Variants in GNB5 observed in about 807,000 individuals in gnomAD.
The protein encoded by GNB5 is G protein subunit beta 5.
GNB5 carries 37 observed loss-of-function variants against 55.3 expected under a neutral mutation model. That is an observed-to-expected ratio of 0.67 (90% CI 0.51 to 0.88). GNB5 has a LOEUF of 0.88. Ranked by LOEUF, GNB5 falls within the 40% of genes least tolerant of loss-of-function variation. The probability of loss-of-function intolerance (pLI) is 0.00; values close to 1 mark genes in which losing one functional copy is unlikely to be tolerated. For missense variants in GNB5, 476 were observed against 515.3 expected (o/e 0.92, Z 0.74); for synonymous variants, 219 against 198.5 (o/e 1.10, Z -0.87).
chr15:52,126,030 G>A lies in GNB5; in HGVS notation c.927C>T (p.Asp309=), dbSNP rs765113499. ...TGGCAACCTCCCTATCTGCCCGCAG[G>A]TCATAGAGGCGACACTGGGGAGCAA... ...GSDDATCRLY[D]LRADREVAIY... Residue 309 remains aspartate (D), a synonymous_variant, in exon 11 of 13, where the codon GAC becomes GAT. Transcript: ENST00000261837. The A allele has an allele frequency of 6.4e-7, 1 of 1,566,616 alleles. No homozygotes were observed. Among genetic ancestry groups the A allele is most frequent in the South Asian group, 1.1e-5 (1 of 88,520 alleles).
intron 3 of GNB5, among the ~76,000 whole-genome samples, chr15:52,176,171 T>G (rs2034646518): frequency 6.6e-6 from 1 of 152,058 alleles, no homozygotes; most frequent in Non-Finnish European, 1.5e-5. Context: ...AGTGAACAGA[T>G]TCAGTTTATG....
chr15:52,172,162 C>T (rs1430877114), intron 3 of GNB5, among the ~76,000 whole-genome samples: 1 of 152,072 alleles, frequency 6.6e-6, no homozygotes, highest in Non-Finnish European at 1.5e-5. Context: ...GAGACAGGAT[C>T]TTATTCTGTC....
intron 7 of GNB5, 166 bp from the exon 8 acceptor site, chr15:52,135,922 C>T: frequency 1.7e-6 from 1 of 596,908 alleles, no homozygotes; most frequent in Non-Finnish European, 2.8e-6. Context: ...GGTTCATGCA[C>T]AGAAATCTCT....
At chr15:52,190,662 T>C (rs1357547691) in intron 1 of GNB5, among the ~76,000 whole-genome samples, 2 of 151,828 alleles carry the variant, frequency 1.3e-5, no homozygotes, top group East Asian at 1.9e-4. Flanking sequence ...TATAAGTCGG[T>C]ATAACCACTG....
At chr15:52,123,541 TAC>T (rs1491091543) in intron 12 of GNB5, 1 of 146,194 alleles carries the variant, frequency 6.8e-6, no homozygotes. Context: ...ATGAATGGGC[TAC>T]TTTTTTTTTT....
intron 1 of GNB5, among the ~76,000 whole-genome samples, chr15:52,185,596 A>G (rs1210465752): frequency 6.6e-6 from 1 of 152,114 alleles, no homozygotes; most frequent in Non-Finnish European, 1.5e-5. Flanking sequence ...GCCTATGGCA[A>G]CGGTTCAGAC....
At chr15:52,165,727 A>G (rs192248390) in intron 3 of GNB5, among the ~76,000 whole-genome samples, 7 of 149,142 alleles carry the variant, frequency 4.7e-5, no homozygotes, top group African/African-American at 1.5e-4. Context: ...AAAAACTGTT[A>G]CCAGCTACTA....
At chr15:52,184,232 G>A (rs1002922098) in intron 2 of GNB5, among the ~76,000 whole-genome samples, 1 of 151,362 alleles carries the variant, frequency 6.6e-6, no homozygotes, top group African/African-American at 2.5e-5. Context: ...GTTATCAAAT[G>A]AAATCATTTG....
chr15:52,188,754 T>C (rs758459978), intron 1 of GNB5, among the ~76,000 whole-genome samples: 24 of 152,226 alleles, frequency 1.6e-4, no homozygotes, highest in Non-Finnish European at 3.2e-4. Flanking sequence ...CTGTTTTACC[T>C]AAATATGTGA....
In GNB5 at chr15:52,147,482, TGG is replaced by T; in HGVS notation, c.469_470del (p.Pro157IlefsTer12). The T allele has an allele frequency of 6.2e-7, 1 of 1,605,370 alleles. No homozygotes were observed. Among genetic ancestry groups the T allele is most frequent in the Non-Finnish European group, 8.5e-7 (1 of 1,172,054 alleles). On this transcript the variant is annotated frameshift_variant, in exon 6 of 13. Coordinates refer to ENST00000261837, the MANE Select transcript of GNB5 (RefSeq NM_016194.4). LOFTEE classifies it high-confidence loss of function. Reference protein sequence around the residue: ...CTWVMACAYAPSGCAIACGGL... With the variant: ...CTWVMACAYAXSGCAIACGGL... ...ACCCACAAGCAATGGCACATCCCGA[TGG>T]GGCATAAGCACATGCCATCACCCAC...
chr15:52,170,712 G>GAA (rs879939707), intron 3 of GNB5, among the ~76,000 whole-genome samples: 9 of 112,858 alleles, frequency 8.0e-5, no homozygotes, highest in African/African-American at 1.6e-4. Flanking sequence ...AAAAGCTGAA[G>GAA]AAAAAAAAAA....
intron 3 of GNB5, among the ~76,000 whole-genome samples, chr15:52,167,471 A>G (rs2034472332): frequency 6.6e-6 from 1 of 152,134 alleles, no homozygotes; most frequent in African/African-American, 2.4e-5. Context: ...GGACTTTGAG[A>G]CCAGCCTGGC....
At chr15:52,152,044 T>C (rs2034106659) in intron 4 of GNB5, among the ~76,000 whole-genome samples, 1 of 151,878 alleles carries the variant, frequency 6.6e-6, no homozygotes, top group Non-Finnish European at 1.5e-5. Flanking sequence ...GTTTCTTTAA[T>C]GTGGTAGAAT....
chr15:52,137,743 C>A, intron 7 of GNB5: 1 of 1,191,516 alleles, frequency 8.4e-7, no homozygotes, highest in Non-Finnish European at 1.1e-6. Context: ...GGGTTCGGGG[C>A]CCTCATAGGC....
chr15:52,124,047 T>C (rs73402853), intron 12 of GNB5, among the ~76,000 whole-genome samples: 4,963 of 150,298 alleles, frequency 0.033, 295 homozygotes, highest in African/African-American at 0.12. Context: ...AAGTAATAAT[T>C]TCAGGGGCTT....
intron 7 of GNB5, 44 bp downstream of exon 7, chr15:52,141,096 T>A (rs749629998): frequency 1.3e-6 from 2 of 1,597,176 alleles, no homozygotes. Flanking sequence ...TCCTCTTTAG[T>A]GCTCCTTGGC....
At chr15:52,187,557 C>T (rs1342772873) in intron 1 of GNB5, among the ~76,000 whole-genome samples, 2 of 151,878 alleles carry the variant, frequency 1.3e-5, no homozygotes, top group Non-Finnish European at 2.9e-5. Flanking sequence ...AAAAGATAGC[C>T]GATATTCCAT....
At chr15:52,128,602 C>A (rs555690711) in intron 9 of GNB5, 1 of 522,996 alleles carries the variant, frequency 1.9e-6, no homozygotes, top group African/African-American at 1.9e-5. Context: ...CTGAATCAGA[C>A]GCACAAAGCC....
chr15:52,152,317 T>C (rs1252088314), intron 4 of GNB5, among the ~76,000 whole-genome samples: 1 of 151,720 alleles, frequency 6.6e-6, no homozygotes, highest in East Asian at 1.9e-4. Context: ...AGGATTTATA[T>C]AATATCTTTT....
Sources: allele counts gnomAD v4.1 joint callset (sites outside exome capture counted in the v4.1 genomes callset), GRCh38; gene constraint gnomAD v4.1.1; transcripts MANE v1.5; gene names NCBI Gene and HGNC (gene_info 2026-07-23, HGNC 2026-07-21).